BCAR3: variants seen among roughly 807,000 people sequenced by gnomAD.
BCAR3 encodes the protein BCAR3 adaptor protein, NSP family member, also known as breast cancer anti-estrogen resistance protein 3.
In BCAR3, 37 loss-of-function variants were observed where a neutral mutation model predicts 80.1. That is an observed-to-expected ratio of 0.46 (90% CI 0.36 to 0.61). BCAR3 has a LOEUF of 0.61. Among genes scored for constraint, BCAR3 ranks in the 20% least tolerant of loss-of-function variants. BCAR3 has a pLI of 0.00. For synonymous variants in BCAR3, 389 were observed against 418.9 expected (o/e 0.93, Z 0.87); for missense variants, 978 against 1,068.2 (o/e 0.92, Z 1.18).
chr1:93,772,843 A>G (rs1410431980), intron 2 of BCAR3, among the ~76,000 whole-genome samples: 4 of 152,082 alleles, frequency 2.6e-5, no homozygotes, highest in African/African-American at 7.2e-5. Flanking sequence ...TGACCTCTTG[A>G]TCCGCCCACC....
At chr1:93,772,231 A>G (rs1227764554) in intron 2 of BCAR3, among the ~76,000 whole-genome samples, 1 of 152,192 alleles carries the variant, frequency 6.6e-6, no homozygotes, top group Non-Finnish European at 1.5e-5. Flanking sequence ...AGAGTGACAC[A>G]ATCAAATTTG....
At chr1:93,733,162 T>C (rs1408896420) in intron 2 of BCAR3, among the ~76,000 whole-genome samples, 2 of 152,020 alleles carry the variant, frequency 1.3e-5, no homozygotes, top group Admixed American at 6.5e-5. Flanking sequence ...GAGGAATAAG[T>C]GCACTGAAAA....
At chr1:93,601,855 A>G (rs534854607) in intron 3 of BCAR3, among the ~76,000 whole-genome samples, 164 of 152,328 alleles carry the variant, frequency 1.1e-3, no homozygotes, top group Non-Finnish European at 1.7e-3. Context: ...GGGCTATTCT[A>G]TCCTAGTTGG....
chr1:93,840,191 C>T (rs1016454453), intron 2 of BCAR3, among the ~76,000 whole-genome samples: 2 of 152,142 alleles, frequency 1.3e-5, no homozygotes, highest in Admixed American at 6.5e-5. Flanking sequence ...CAAGTCTGCT[C>T]CCAGTTGCTT....
At chr1:93,666,450 G>T (rs976171320) in intron 2 of BCAR3, among the ~76,000 whole-genome samples, 2 of 152,016 alleles carry the variant, frequency 1.3e-5, no homozygotes, top group Non-Finnish European at 2.9e-5. Flanking sequence ...AAGTAACTTG[G>T]GGTCCTCTGA....
intron 3 of BCAR3, among the ~76,000 whole-genome samples, chr1:93,624,479 C>G (rs900536075): frequency 3.3e-5 from 5 of 152,218 alleles, no homozygotes; most frequent in African/African-American, 2.4e-5. Context: ...TGTGTGGGCC[C>G]GTAGGGGTTT....
chr1:93,696,996 G>A (rs78506875), intron 3 of BCAR3, among the ~76,000 whole-genome samples: 15,009 of 152,260 alleles, frequency 0.099, 892 homozygotes, highest in Non-Finnish European at 0.13. Flanking sequence ...GGGAGCTGGC[G>A]TCTCCGTGCA....
In BCAR3 at chr1:93,703,165, A is replaced by G. The variant is rs149747758; in HGVS notation, c.-12+2927T>C. Reference sequence around the variant, plus strand: ...AGAGGGACTGCTTATCATATATACTACCTGTGTGGTGAGGGGTCTCACTTG... The same window carrying G: ...AGAGGGACTGCTTATCATATATACTGCCTGTGTGGTGAGGGGTCTCACTTG... On this transcript the variant is annotated intron_variant, in intron 3 of 13. Transcript: ENST00000370244. 1.9e-4 allele frequency among the ~76,000 whole-genome samples: 29 copies of G among 152,288 alleles called. No homozygotes were observed. The East Asian group carries it at 3.9e-3, about 20-fold the overall frequency.
chr1:93,584,860 C>T (rs1346922777), intron 5 of BCAR3: 1 of 523,530 alleles, frequency 1.9e-6, no homozygotes, highest in Non-Finnish European at 2.5e-6. Context: ...ACCAGAATCT[C>T]CCTAGCTAGA....
Position 93,584,087 on chromosome 1 carries a change from G to A in BCAR3, c.964C>T (p.Leu322=), listed in dbSNP as rs767210703. ...GCTCTTCTGTCCTGCATGTGATCCAGGCAGGCGGGCTGGCTACCACTCTTT... is the reference window on the plus strand; with the variant it reads ...GCTCTTCTGTCCTGCATGTGATCCAAGCAGGCGGGCTGGCTACCACTCTTT... ...KEKSGSQPAC[L]DHMQDRRALS... The change falls in exon 6 of 12, where the codon CTG becomes TTG. Residue 322 remains leucine, a synonymous_variant. Transcript: ENST00000260502. 1.5e-5 allele frequency: 25 copies of A among 1,614,148 alleles called. No homozygotes were observed. Among genetic ancestry groups the A allele is most frequent in the Non-Finnish European group, 2.1e-5 (25 of 1,180,012 alleles).
chr1:93,839,398 G>T (rs1195307840), intron 2 of BCAR3, among the ~76,000 whole-genome samples: 4 of 152,262 alleles, frequency 2.6e-5, no homozygotes, highest in African/African-American at 9.6e-5. Context: ...GACAAGGATT[G>T]CTGATCTCAT....
intron 2 of BCAR3, among the ~76,000 whole-genome samples, chr1:93,786,117 C>T (rs1235110249): frequency 2.8e-5 from 3 of 108,000 alleles, no homozygotes; most frequent in East Asian, 3.7e-4. Context: ...GGCGTGAACC[C>T]GGGAGGCGGA....
intron 2 of BCAR3, among the ~76,000 whole-genome samples, chr1:93,715,377 T>C (rs1472156864): frequency 2.6e-5 from 4 of 152,242 alleles, no homozygotes; most frequent in African/African-American, 7.2e-5. Context: ...GAAACAAAGA[T>C]TGCCTTGGAG....
intron 2 of BCAR3, among the ~76,000 whole-genome samples, chr1:93,714,014 G>A (rs575777918): frequency 9.2e-5 from 14 of 152,092 alleles, no homozygotes; most frequent in Admixed American, 6.5e-4. Flanking sequence ...ATGGAGTCTC[G>A]CTCTGTTACC....
At chr1:93,745,856 A>G (rs1371052732) in intron 2 of BCAR3, among the ~76,000 whole-genome samples, 1 of 152,248 alleles carries the variant, frequency 6.6e-6, no homozygotes, top group Non-Finnish European at 1.5e-5. Flanking sequence ...CCTGGTCAAC[A>G]TAGTAAGACC....
chr1:93,787,325 C>G (rs1652982764), intron 2 of BCAR3, among the ~76,000 whole-genome samples: 1 of 152,136 alleles, frequency 6.6e-6, no homozygotes, highest in African/African-American at 2.4e-5. Context: ...CTGCTCTGAT[C>G]TTTGTTAATT....
At chr1:93,738,066 T>G (rs538575711) in intron 2 of BCAR3, among the ~76,000 whole-genome samples, 8 of 152,228 alleles carry the variant, frequency 5.3e-5, no homozygotes, top group African/African-American at 1.9e-4. Context: ...ACTCCTGGCT[T>G]GAAGCGATCC....
At chr1:93,572,705 A>G (rs1437955721) in intron 8 of BCAR3, among the ~76,000 whole-genome samples, 1 of 152,218 alleles carries the variant, frequency 6.6e-6, no homozygotes, top group East Asian at 1.9e-4. Flanking sequence ...AGTTTCTTCC[A>G]GGCTGTGGTA....
At chr1:93,730,216 C>T (rs371512355) in intron 2 of BCAR3, among the ~76,000 whole-genome samples, 37 of 152,304 alleles carry the variant, frequency 2.4e-4, no homozygotes, top group East Asian at 5.8e-4. Context: ...GTCCCTCCCC[C>T]GCCAACACCT....
Sources: gnomAD v4.1 joint callset for allele counts (sites outside exome capture counted in the v4.1 genomes callset) on GRCh38, gnomAD v4.1.1 for gene constraint, MANE v1.5 for transcripts, NCBI Gene and HGNC (gene_info 2026-07-23, HGNC 2026-07-21) for gene names.